ATP9B: variants seen among roughly 807,000 people sequenced by gnomAD.
ATP9B encodes probable phospholipid-transporting ATPase IIB.
Under a neutral mutation model 146.1 loss-of-function variants are expected in ATP9B, and 110 were observed. That is an observed-to-expected ratio of 0.75 (90% confidence interval 0.65 to 0.88). The LOEUF (loss-of-function observed/expected upper bound fraction) is 0.88, where lower values mean the gene tolerates loss of function less well. ATP9B is among the 40% of genes least tolerant of loss of function. ATP9B has a pLI of 0.00. For synonymous variants in ATP9B, 604 were observed against 569.7 expected, an observed-to-expected ratio of 1.06 and a Z score of -0.86; for missense variants, 1,499 against 1,496.4, an observed-to-expected ratio of 1.00 and a Z score of -0.03.
chr18:79,256,809 G>A (rs571643698), intron 12 of ATP9B, among the ~76,000 whole-genome samples: 170 of 152,196 alleles, frequency 1.1e-3, no homozygotes, highest in African/African-American at 3.9e-3. Flanking sequence ...CCTCCGGGCC[G>A]CAGCCTTCTT....
chr18:79,126,258 G>A lies in ATP9B; in HGVS notation c.559-9G>A. 1 of 1,596,770 alleles carries A rather than the reference G, an allele frequency of 6.3e-7. No individual in the cohort carries two copies. Among genetic ancestry groups the A allele is most frequent in the Non-Finnish European group, 8.5e-7 (1 of 1,170,628 alleles). On this transcript the variant is annotated splice_polypyrimidine_tract_variant and intron_variant, in intron 4 of 29. Transcript: ENST00000426216. The stretch of plus-strand genomic sequence containing the variant: ...TAGTTTTCTAAAAATACCTTATTTT[G>A]TTTTATAGGGATTTGTCTTGGCTGT...
intron 11 of ATP9B, among the ~76,000 whole-genome samples, chr18:79,234,705 A>C (rs1444116271): frequency 6.6e-6 from 1 of 151,334 alleles, no homozygotes; most frequent in East Asian, 1.9e-4. Flanking sequence ...TGCTGTAAGC[A>C]TGCTTGCTGT....
chr18:79,346,449 GTCAGCACACAT>G, intron 23 of ATP9B, among the ~76,000 whole-genome samples: 1 of 141,000 alleles, frequency 7.1e-6, no homozygotes, highest in African/African-American at 2.7e-5. Flanking sequence ...TCAGCGCACA[GTCAGCACACAT>G]TCGGCACACA....
At chr18:79,250,491 T>A (rs956512773) in intron 11 of ATP9B, among the ~76,000 whole-genome samples, 1 of 152,204 alleles carries the variant, frequency 6.6e-6, no homozygotes, top group Non-Finnish European at 1.5e-5. Context: ...TGATCCTCAG[T>A]GAGGCCTGAA....
chr18:79,174,094 G>A (rs1037641598), intron 7 of ATP9B: 11 of 311,898 alleles, frequency 3.5e-5, no homozygotes, highest in Non-Finnish European at 6.9e-5. Context: ...TTAATGTTCA[G>A]CATTTTTTGC....
intron 15 of ATP9B, among the ~76,000 whole-genome samples, chr18:79,326,529 A>G (rs1160708479): frequency 6.8e-6 from 1 of 146,900 alleles, no homozygotes; most frequent in Non-Finnish European, 1.5e-5. Flanking sequence ...TTAGTGTGTC[A>G]TCTCTGCACA....
intron 13 of ATP9B, among the ~76,000 whole-genome samples, chr18:79,279,748 C>T (rs566339733): frequency 2.0e-5 from 3 of 152,246 alleles, no homozygotes; most frequent in African/African-American, 2.4e-5. Flanking sequence ...AATACATAGG[C>T]GTACTGTCTT....
Position 79,093,251 on chromosome 18 carries a change from GT to G in ATP9B, c.120-3221del, listed in dbSNP as rs763860909. On this transcript the variant is annotated intron_variant, in intron 1 of 29. Transcript: ENST00000426216. ...AAAGTAAGGTTGACAGAGTCTCTTAGTTTTCTTTCATCTGAGAACATCTTTG... is the reference window on the plus strand; with the variant it reads ...AAAGTAAGGTTGACAGAGTCTCTTAGTTTCTTTCATCTGAGAACATCTTTG... Among the ~76,000 whole-genome samples the G allele has an allele frequency of 4.6e-5, 7 of 152,210 alleles. No individual in the cohort carries two copies. The South Asian group carries it at 1.5e-3, about 32-fold the overall frequency.
chr18:79,283,799 A>C (rs563778251), intron 13 of ATP9B, among the ~76,000 whole-genome samples: 105 of 152,348 alleles, frequency 6.9e-4, no homozygotes, highest in Non-Finnish European at 1.4e-3. Context: ...AGGACAGCCA[A>C]TTTGTACTTA....
intron 7 of ATP9B, 53 bp from the exon 8 acceptor site, chr18:79,176,760 A>C: frequency 6.6e-7 from 1 of 1,504,760 alleles, no homozygotes; most frequent in Non-Finnish European, 9.2e-7. Context: ...TAGCTCAGGA[A>C]AAACCTTCTG....
At chr18:79,253,018 G>T (rs2096044762) in intron 11 of ATP9B, among the ~76,000 whole-genome samples, 1 of 152,200 alleles carries the variant, frequency 6.6e-6, no homozygotes, top group Non-Finnish European at 1.5e-5. Context: ...TCCCGGGCTG[G>T]GCCCTCAGAA....
intron 4 of ATP9B, among the ~76,000 whole-genome samples, chr18:79,122,219 T>G (rs2094201492): frequency 6.6e-6 from 1 of 152,220 alleles, no homozygotes; most frequent in Non-Finnish European, 1.5e-5. Flanking sequence ...ATGTGCTTGG[T>G]AATCACTTTC....
Position 79,245,678 on chromosome 18 carries a change from G to A in ATP9B, c.1108-7703G>A, listed in dbSNP as rs575014320. 6.0e-5 allele frequency among the ~76,000 whole-genome samples: 9 copies of A among 150,178 alleles called. No individual in the cohort carries two copies. In the East Asian group the frequency reaches 1.2e-3, roughly 20 times the overall value. On this transcript the variant is annotated intron_variant, in intron 11 of 29. Coordinates refer to ENST00000426216, the MANE Select transcript of ATP9B (RefSeq NM_198531.5). ...AGGGTACCGCCCTAGTGACTGTGCG[G>A]AGGGCACCGCCCTACTGACTGTGCG...
At chr18:79,077,742 G>A (rs1042396901) in intron 1 of ATP9B, among the ~76,000 whole-genome samples, 2 of 152,128 alleles carry the variant, frequency 1.3e-5, no homozygotes, top group Admixed American at 6.5e-5. Context: ...TCATAAGGGG[G>A]CCAAACTGAG....
At chr18:79,377,045 A>G (rs1349011868) in intron 29 of ATP9B, among the ~76,000 whole-genome samples, 1 of 152,176 alleles carries the variant, frequency 6.6e-6, no homozygotes, top group African/African-American at 2.4e-5. Flanking sequence ...TAAAAGAAGA[A>G]TGAATTATGC....
At chr18:79,242,435 G>A (rs2095898688) in intron 11 of ATP9B, among the ~76,000 whole-genome samples, 1 of 152,222 alleles carries the variant, frequency 6.6e-6, no homozygotes, top group Non-Finnish European at 1.5e-5. Context: ...TTTACAAAAT[G>A]AAGCCAGCTG....
At chr18:79,114,452 T>A (rs1487457044) in intron 4 of ATP9B, among the ~76,000 whole-genome samples, 1 of 152,166 alleles carries the variant, frequency 6.6e-6, no homozygotes, top group Non-Finnish European at 1.5e-5. Context: ...CTGGGTAGGC[T>A]CCGTCTCCCT....
At chr18:79,327,725 T>C (rs1313824613) in intron 15 of ATP9B, among the ~76,000 whole-genome samples, 17 of 140,666 alleles carry the variant, frequency 1.2e-4, no homozygotes, top group African/African-American at 4.1e-4. Context: ...GTTAGCGTGC[T>C]CGCCGTGGTT....
intron 14 of ATP9B, 24 bp downstream of exon 14, chr18:79,303,740 G>A: frequency 6.3e-7 from 1 of 1,578,014 alleles, no homozygotes; most frequent in Non-Finnish European, 8.7e-7. Context: ...TCCTGCACGG[G>A]GTCTGCTTCC....
Sources: allele counts gnomAD v4.1 joint callset (sites outside exome capture counted in the v4.1 genomes callset), GRCh38; gene constraint gnomAD v4.1.1; transcripts MANE v1.5; gene names NCBI Gene and HGNC (gene_info 2026-07-23, HGNC 2026-07-21).